The following EIF2A variants were observed in gnomAD, a reference collection of about 807,000 sequenced individuals.
The protein encoded by EIF2A is eukaryotic translation initiation factor 2A.
EIF2A carries 62 observed loss-of-function variants against 75.2 expected under a neutral mutation model. The observed-to-expected ratio is 0.82, with a 90% CI of 0.67 to 1.02. The LOEUF is 1.02. Among genes scored for constraint, EIF2A ranks in the 50% least tolerant of loss-of-function variants. The pLI, the probability that EIF2A is intolerant of heterozygous loss-of-function variation, is 0.00. For missense variants in EIF2A, 611 were observed against 677.7 expected, an observed-to-expected ratio of 0.90 and a Z score of 1.09; for synonymous variants, 207 against 239.0, an observed-to-expected ratio of 0.87 and a Z score of 1.23.
intron 12 of EIF2A, 108 bp downstream of exon 12, chr3:150,581,854 G>T (rs1725200790): frequency 7.6e-7 from 1 of 1,312,064 alleles, no homozygotes; most frequent in Non-Finnish European, 1.0e-6. Flanking sequence ...GTTGGTATCA[G>T]CAGTTCTCAT....
rs774407654 is a variant in EIF2A, at chr3:150,567,737, G to A, written c.520G>A (p.Val174Ile). 6.4e-7 allele frequency: 1 copy of A among 1,558,178 alleles called. No individual in the cohort carries two copies. The highest frequency in any genetic ancestry group is 1.9e-5 in the Admixed American group (1 of 51,360). ...KLHLQKINDFVLSPGPQPYKV... is the reference protein window; with the variant it reads ...KLHLQKINDFILSPGPQPYKV... ...GCATTTGCAAAAAATTAATGATTTT[G>A]TATTATCACCTGGACCCCAACCATA... The change falls in exon 7 of 14, where the codon GTA becomes ATA. Residue 174 changes from valine to isoleucine, a missense_variant. By Grantham distance (29) the Val-to-Ile change is conservative. Coordinates refer to ENST00000460851, the MANE Select transcript of EIF2A (RefSeq NM_032025.5).
intron 2 of EIF2A, 21 bp from the exon 3 acceptor site, chr3:150,558,367 T>C: frequency 1.8e-6 from 2 of 1,120,418 alleles, no homozygotes; most frequent in Non-Finnish European, 2.3e-6. Flanking sequence ...CATTTAAACC[T>C]TTTTTTTTTG....
chr3:150,553,385 G>C (rs1053084022), intron 2 of EIF2A, among the ~76,000 whole-genome samples: 4 of 151,806 alleles, frequency 2.6e-5, no homozygotes, highest in Admixed American at 2.0e-4. Flanking sequence ...TATCAGGTTG[G>C]TGGCATAACC....
intron 12 of EIF2A, among the ~76,000 whole-genome samples, chr3:150,582,745 G>A (rs1038001265): frequency 1.3e-5 from 2 of 152,132 alleles, no homozygotes; most frequent in Admixed American, 1.3e-4. Context: ...TGCAGCCAGT[G>A]TGCTGGGGTG....
intron 10 of EIF2A, among the ~76,000 whole-genome samples, chr3:150,573,921 G>A (rs1352648256): frequency 1.3e-5 from 2 of 152,008 alleles, no homozygotes; most frequent in Non-Finnish European, 2.9e-5. Flanking sequence ...TTTAAAATGC[G>A]TTCGTTGGTC....
At chr3:150,563,782 C>T (rs574090564) in intron 5 of EIF2A, among the ~76,000 whole-genome samples, 168 bp downstream of exon 5, 1 of 152,252 alleles carries the variant, frequency 6.6e-6, no homozygotes, top group Non-Finnish European at 1.5e-5. Context: ...CTTGATCCTT[C>T]TTTCCTTTAG....
At chr3:150,572,856 A>C (rs1309675525) in intron 10 of EIF2A, among the ~76,000 whole-genome samples, 1 of 52,194 alleles carries the variant, frequency 1.9e-5, no homozygotes. Context: ...ACTCCGTCTC[A>C]AAAAAAAAAA....
intron 9 of EIF2A, among the ~76,000 whole-genome samples, chr3:150,571,702 A>T (rs1490742620): frequency 6.6e-6 from 1 of 152,240 alleles, no homozygotes; most frequent in African/African-American, 2.4e-5. Context: ...ATTTATTAAT[A>T]GTAACAAACT....
At chr3:150,553,480 C>G (rs994397720) in intron 2 of EIF2A, among the ~76,000 whole-genome samples, 2 of 152,084 alleles carry the variant, frequency 1.3e-5, no homozygotes, top group Non-Finnish European at 2.9e-5. Flanking sequence ...GCAATCTCGG[C>G]TTAATGCAAC....
At chr3:150,578,025 C>A (rs981299733) in intron 11 of EIF2A, among the ~76,000 whole-genome samples, 5 of 152,028 alleles carry the variant, frequency 3.3e-5, no homozygotes, top group African/African-American at 9.7e-5. Flanking sequence ...AAGTCTTGTC[C>A]CTTCATCAGT....
chr3:150,548,820 T>C (rs982383075), intron 1 of EIF2A, among the ~76,000 whole-genome samples: 6 of 152,216 alleles, frequency 3.9e-5, no homozygotes, highest in Non-Finnish European at 8.8e-5. Context: ...TCTCATATTC[T>C]TAGAGGCCCA....
At chr3:150,569,126 T>A (rs1724359929) in intron 9 of EIF2A, among the ~76,000 whole-genome samples, 1 of 152,180 alleles carries the variant, frequency 6.6e-6, no homozygotes, top group Non-Finnish European at 1.5e-5. Context: ...TTTATTTTAA[T>A]AACATTCTGA....
At chr3:150,578,503 T>C (rs1724999539) in intron 11 of EIF2A, among the ~76,000 whole-genome samples, 1 of 151,916 alleles carries the variant, frequency 6.6e-6, no homozygotes, top group East Asian at 1.9e-4. Flanking sequence ...AATAGTGTGA[T>C]CAGCTGGGCT....
intron 11 of EIF2A, among the ~76,000 whole-genome samples, chr3:150,576,960 C>G (rs1724905913): frequency 6.6e-6 from 1 of 152,134 alleles, no homozygotes; most frequent in Non-Finnish European, 1.5e-5. Context: ...TTATGGTGAT[C>G]ACATTTTTGC....
chr3:150,561,847 G>A (rs1332805790), intron 3 of EIF2A, among the ~76,000 whole-genome samples: 3 of 150,066 alleles, frequency 2.0e-5, no homozygotes, highest in Non-Finnish European at 4.4e-5. Flanking sequence ...CTGGAGTGCA[G>A]TGGCACGATC....
In EIF2A at chr3:150,575,672, T is replaced by A; in HGVS notation, c.1407T>A (p.Asn469Lys). Reference protein sequence around the residue: ...SKLHEEEPPQNMKPQSGNDKP... With the variant: ...SKLHEEEPPQKMKPQSGNDKP... ...AGCATGAAGAGGAACCACCTCAGAA[T>A]ATGAAACCACAATCAGGAAACGATA... The change falls in exon 11 of 14, where the codon AAT becomes AAA. Residue 469 changes from asparagine (N) to lysine (K), a missense_variant. Physicochemically the swap from Asn to Lys is moderately conservative, Grantham distance 94. Transcript: ENST00000460851. 6.2e-7 allele frequency: 1 copy of A among 1,611,994 alleles called. No homozygotes were observed. Among genetic ancestry groups the A allele is most frequent in the Non-Finnish European group, 8.5e-7 (1 of 1,179,314 alleles).
At chr3:150,569,098 G>T (rs1047724502) in intron 9 of EIF2A, among the ~76,000 whole-genome samples, 2 of 152,070 alleles carry the variant, frequency 1.3e-5, no homozygotes, top group East Asian at 3.9e-4. Context: ...AAAAAACAAG[G>T]ATGGCTCCCC....
At chr3:150,573,062 C>T (rs1724634760) in intron 10 of EIF2A, among the ~76,000 whole-genome samples, 1 of 151,944 alleles carries the variant, frequency 6.6e-6, no homozygotes, top group Non-Finnish European at 1.5e-5. Flanking sequence ...TCAGATTTTT[C>T]CTATTTCTGT....
Position 150,567,699 on chromosome 3 carries a change from T to C in EIF2A, c.482T>C (p.Ile161Thr). 1 of 1,539,692 alleles carries C rather than the reference T, an allele frequency of 6.5e-7. No homozygotes were observed. The highest frequency in any genetic ancestry group is 8.8e-7 in the Non-Finnish European group (1 of 1,139,006). The change falls in exon 7 of 14, where the codon ATT becomes ACT. Residue 161 changes from isoleucine to threonine, a missense_variant. Ile to Thr is a moderately conservative substitution (Grantham distance 89). Coordinates refer to ENST00000460851, the MANE Select transcript of EIF2A (RefSeq NM_032025.5). The stretch of plus-strand genomic sequence containing the variant: ...AATTTACTCTTTTTTTTAGACACAA[T>C]TGCAAATAAATTGCATTTGCAAAAA... ...HFFENNNFNT[I>T]ANKLHLQKIN...
Sources: gnomAD v4.1 joint callset for allele counts (sites outside exome capture counted in the v4.1 genomes callset) on GRCh38, gnomAD v4.1.1 for gene constraint, MANE v1.5 for transcripts, NCBI Gene and HGNC (gene_info 2026-07-23, HGNC 2026-07-21) for gene names.